ROBO2: variants seen among roughly 807,000 people sequenced by gnomAD.
The protein encoded by ROBO2 is roundabout homolog 2.
In ROBO2, 53 loss-of-function variants were observed where a neutral mutation model predicts 160.8. The ratio of observed to expected loss-of-function variants is 0.33; its 90% CI spans 0.26 to 0.41. The LOEUF (loss-of-function observed/expected upper bound fraction) is 0.41, where lower values mean the gene tolerates loss of function less well. ROBO2 is among the 10% of genes least tolerant of loss of function. ROBO2 has a pLI of 1.00. For missense variants in ROBO2, 1,577 were observed against 1,722.4 expected (o/e 0.92, Z 1.49); for synonymous variants, 664 against 611.7 (o/e 1.09, Z -1.26).
chr3:76,714,555 G>C lies in ROBO2; in HGVS notation c.110-383459G>C, dbSNP rs181908071. Among the ~76,000 whole-genome samples the C allele has an allele frequency of 5.5e-4, 83 of 152,226 alleles. 1 individual carries two copies. Among genetic ancestry groups the C allele is most frequent in the South Asian group, 1.5e-3 (7 of 4,824 alleles). On this transcript the variant is annotated intron_variant, in intron 2 of 26. Transcript: ENST00000487694. ...ATTTGTGGAAAATGTTGTATATCCAGCTATGCTTCCCTTTCTTGAAACAGA... is the reference window on the plus strand; with the variant it reads ...ATTTGTGGAAAATGTTGTATATCCACCTATGCTTCCCTTTCTTGAAACAGA...
intron 2 of ROBO2, among the ~76,000 whole-genome samples, chr3:76,234,047 C>T (rs1704785594): frequency 6.6e-6 from 1 of 152,102 alleles, no homozygotes; most frequent in Non-Finnish European, 1.5e-5. Context: ...AGTTTAACTC[C>T]CACTTATAAG....
intron 2 of ROBO2, among the ~76,000 whole-genome samples, chr3:77,279,192 T>C (rs2153368750): frequency 6.6e-6 from 1 of 152,234 alleles, no homozygotes; most frequent in Admixed American, 6.5e-5. Context: ...GAATGTGCCA[T>C]TTTTTTAAAC....
intron 2 of ROBO2, among the ~76,000 whole-genome samples, chr3:76,439,714 A>G (rs1232952252): frequency 6.6e-6 from 1 of 152,188 alleles, no homozygotes; most frequent in Non-Finnish European, 1.5e-5. Context: ...AAGAACTAGA[A>G]AAATGTAGTT....
intron 2 of ROBO2, among the ~76,000 whole-genome samples, chr3:76,571,034 A>T (rs1363351762): frequency 1.3e-5 from 2 of 152,092 alleles, no homozygotes; most frequent in African/African-American, 4.8e-5. Context: ...GTGCTTCATA[A>T]CTCCGGAAGA....
chr3:76,239,710 T>C (rs1049376249), intron 2 of ROBO2, among the ~76,000 whole-genome samples: 1 of 152,174 alleles, frequency 6.6e-6, no homozygotes, highest in African/African-American at 2.4e-5. Flanking sequence ...CTTTAATTTT[T>C]GTAACAAAAC....
intron 2 of ROBO2, among the ~76,000 whole-genome samples, chr3:76,560,945 T>G (rs1398269838): frequency 0.018 from 761 of 43,456 alleles, 9 homozygotes; most frequent in African/African-American, 0.033. Context: ...TATATATATA[T>G]ATATATATAT....
chr3:76,103,180 G>C lies in ROBO2; in HGVS notation c.109+165578G>C, dbSNP rs1427322548. ...ATCCAGAAAAGAAGGGAAGTTTCCA[G>C]GTACAGGAGAAAGTCGAGGTAATGA... is the stretch of plus-strand genomic sequence containing the variant. On this transcript the variant is annotated intron_variant, in intron 2 of 26. Transcript: ENST00000487694. Among the ~76,000 whole-genome samples, 9 of 152,276 alleles carry C rather than the reference G, an allele frequency of 5.9e-5. No homozygotes were observed. The East Asian group carries it at 1.7e-3, about 29-fold the overall frequency.
At chr3:77,317,573 T>C (rs2064134731) in intron 2 of ROBO2, 2 of 1,346,590 alleles carry the variant, frequency 1.5e-6, no homozygotes, top group African/African-American at 1.5e-5. Context: ...CCTAGCAGAT[T>C]TGCCAAGATC....
At chr3:76,543,044 T>G (rs951483415) in intron 2 of ROBO2, among the ~76,000 whole-genome samples, 1 of 152,206 alleles carries the variant, frequency 6.6e-6, no homozygotes, top group Non-Finnish European at 1.5e-5. Context: ...CAGGACTTCA[T>G]GTTTGTTCTG....
intron 2 of ROBO2, among the ~76,000 whole-genome samples, chr3:76,935,482 G>C (rs1036304930): frequency 6.6e-6 from 1 of 152,188 alleles, no homozygotes; most frequent in African/African-American, 2.4e-5. Context: ...ATCTGGGACA[G>C]TTCCTCAGTT....
At chr3:77,546,420 A>G in exon 7 of ROBO2, 1 of 1,613,384 alleles carries the variant, frequency 6.2e-7, no homozygotes, top group African/African-American at 1.3e-5. Context: ...AAACTAAAGG[A>G]AACCCACAGC....
At chr3:76,207,912 T>C (rs1238554500) in intron 2 of ROBO2, among the ~76,000 whole-genome samples, 2 of 152,186 alleles carry the variant, frequency 1.3e-5, no homozygotes, top group African/African-American at 4.8e-5. Context: ...GATTGAGTCA[T>C]GGCAGTGTTT....
At chr3:77,217,586 C>T (rs1403313879) in intron 2 of ROBO2, among the ~76,000 whole-genome samples, 1 of 152,094 alleles carries the variant, frequency 6.6e-6, no homozygotes, top group African/African-American at 2.4e-5. Context: ...TTTATTTTGT[C>T]CTAGTTTCAT....
At chr3:76,294,615 G>T (rs184837588) in intron 2 of ROBO2, among the ~76,000 whole-genome samples, 156 of 152,214 alleles carry the variant, frequency 1.0e-3, no homozygotes, top group African/African-American at 3.5e-3. Flanking sequence ...GAAATGTGAC[G>T]GTAGAATGCT....
intron 2 of ROBO2, among the ~76,000 whole-genome samples, chr3:77,191,215 G>A (rs1032879644): frequency 3.9e-5 from 6 of 151,992 alleles, no homozygotes; most frequent in African/African-American, 1.2e-4. Context: ...ATTTTGCTTC[G>A]AGTATATTAT....
intron 7 of ROBO2, among the ~76,000 whole-genome samples, chr3:77,549,539 C>T (rs2092835130): frequency 6.6e-6 from 1 of 151,952 alleles, no homozygotes; most frequent in South Asian, 2.1e-4. Context: ...TAGCAAACAT[C>T]ACTCGTTTTA....
At chr3:76,256,184 C>T (rs2107574169) in intron 2 of ROBO2, among the ~76,000 whole-genome samples, 1 of 152,076 alleles carries the variant, frequency 6.6e-6, no homozygotes, top group South Asian at 2.1e-4. Context: ...TTGATGTACA[C>T]TTGTAGTCCC....
At chr3:76,597,060 A>AT (rs1342871850) in intron 2 of ROBO2, among the ~76,000 whole-genome samples, 1 of 152,088 alleles carries the variant, frequency 6.6e-6, no homozygotes, top group East Asian at 1.9e-4. Context: ...CCACAGTAAA[A>AT]TTTTTTTAAA....
chr3:77,130,463 G>T (rs1413852621), intron 2 of ROBO2, among the ~76,000 whole-genome samples: 2 of 152,034 alleles, frequency 1.3e-5, no homozygotes, highest in African/African-American at 4.8e-5. Context: ...AATAAAGTGA[G>T]AAATGTGCAT....
Sources: gnomAD v4.1 joint callset for allele counts (sites outside exome capture counted in the v4.1 genomes callset) on GRCh38, gnomAD v4.1.1 for gene constraint, MANE v1.5 for transcripts, NCBI Gene and HGNC (gene_info 2026-07-23, HGNC 2026-07-21) for gene names.